The following NBEA variants were observed in gnomAD, a reference collection of about 807,000 sequenced individuals.
NBEA encodes the protein lysosomal-trafficking regulator 2.
NBEA carries 44 observed loss-of-function variants against 343.4 expected under a neutral mutation model. The observed-to-expected ratio is 0.13, with a 90% CI of 0.10 to 0.16. The LOEUF is 0.16. Among genes scored for constraint, NBEA ranks in the 10% least tolerant of loss-of-function variants. The pLI, the probability that NBEA is intolerant of heterozygous loss-of-function variation, is 1.00. For synonymous variants in NBEA, 1,175 were observed against 1,238.7 expected (o/e 0.95, Z 1.08); for missense variants, 2,555 against 3,631.3 (o/e 0.70, Z 7.62).
chr13:35,543,863 G>C (rs1387085845), intron 41 of NBEA, among the ~76,000 whole-genome samples: 4 of 152,192 alleles, frequency 2.6e-5, no homozygotes, highest in South Asian at 2.1e-4. Context: ...CCACACAGCA[G>C]GTATCAGTCA....
chr13:34,950,213 A>G (rs2059307445), intron 1 of NBEA, among the ~76,000 whole-genome samples: 1 of 152,198 alleles, frequency 6.6e-6, no homozygotes, highest in South Asian at 2.1e-4. Flanking sequence ...AGACAGCTTG[A>G]TAACTTCTTT....
chr13:35,320,813 A>G (rs1400838075), intron 36 of NBEA, among the ~76,000 whole-genome samples: 1 of 151,700 alleles, frequency 6.6e-6, no homozygotes, highest in African/African-American at 2.4e-5. Context: ...CTTTTTCTCT[A>G]ATCTTGTCTT....
chr13:35,561,849 C>A (rs1566324267), intron 44 of NBEA, among the ~76,000 whole-genome samples: 1 of 151,932 alleles, frequency 6.6e-6, no homozygotes, highest in Non-Finnish European at 1.5e-5. Flanking sequence ...GCCAAATATC[C>A]CGGAAACGTA....
At chr13:35,528,114 G>A (rs192175711) in intron 41 of NBEA, among the ~76,000 whole-genome samples, 2 of 152,154 alleles carry the variant, frequency 1.3e-5, no homozygotes, top group East Asian at 1.9e-4. Flanking sequence ...GTTCAATTTA[G>A]GCTTCCTACT....
intron 17 of NBEA, among the ~76,000 whole-genome samples, chr13:35,140,311 C>T (rs1299473594): frequency 6.6e-6 from 1 of 151,976 alleles, no homozygotes; most frequent in Non-Finnish European, 1.5e-5. Flanking sequence ...ACTGAGCTGG[C>T]CTTTAGATAG....
Position 35,195,997 on chromosome 13 carries a change from T to C in NBEA, c.5061T>C (p.Asn1687=). Reference sequence around the variant, plus strand: ...AGGAGCAAGTGGCTAGCATCCTGAATGGGGCAGAATTAGAAACAAGTACAG... The same window carrying C: ...AGGAGCAAGTGGCTAGCATCCTGAACGGGGCAGAATTAGAAACAAGTACAG... The part of the protein sequence containing the change: ...IGEEQVASIL[N]GAELETSTGP... The change falls in exon 31 of 59, where the codon AAT becomes AAC. Residue 1687 remains asparagine, a synonymous_variant. Transcript: ENST00000379939. 1 of 1,613,654 alleles carries C rather than the reference T, an allele frequency of 6.2e-7. No individual in the cohort carries two copies. The highest frequency in any genetic ancestry group is 8.5e-7 in the Non-Finnish European group (1 of 1,179,730).
At chr13:35,559,362 A>G (rs1487828537) in intron 44 of NBEA, among the ~76,000 whole-genome samples, 1 of 152,114 alleles carries the variant, frequency 6.6e-6, no homozygotes, top group Non-Finnish European at 1.5e-5. Flanking sequence ...AAATAATCAT[A>G]CTATTTTATA....
At chr13:35,127,079 AG>A (rs1402092191) in intron 17 of NBEA, among the ~76,000 whole-genome samples, 1 of 152,180 alleles carries the variant, frequency 6.6e-6, no homozygotes, top group East Asian at 1.9e-4. Flanking sequence ...ATTGTTTGCC[AG>A]GGAAAACTGA....
At chr13:34,970,391 CTTAT>C (rs1229415779) in intron 1 of NBEA, among the ~76,000 whole-genome samples, 1 of 151,894 alleles carries the variant, frequency 6.6e-6, no homozygotes, top group Non-Finnish European at 1.5e-5. Flanking sequence ...TGCAGAAGCT[CTTAT>C]TTGTCAATTT....
intron 38 of NBEA, among the ~76,000 whole-genome samples, chr13:35,387,107 G>T (rs2042278113): frequency 6.6e-6 from 1 of 152,026 alleles, no homozygotes; most frequent in Admixed American, 6.6e-5. Context: ...TTGACATTTG[G>T]ATAGATTTTT....
chr13:35,394,865 T>C (rs941488787), intron 38 of NBEA, among the ~76,000 whole-genome samples: 1 of 152,168 alleles, frequency 6.6e-6, no homozygotes, highest in African/African-American at 2.4e-5. Context: ...TTTAGATCTT[T>C]CTACTTTTTA....
At chr13:35,070,624 G>T in intron 9 of NBEA, 95 bp from the exon 10 acceptor site, 1 of 1,128,838 alleles carries the variant, frequency 8.9e-7, no homozygotes, top group Non-Finnish European at 1.2e-6. Flanking sequence ...GTCCAAGTAT[G>T]TTATTTAATT....
At chr13:35,426,337 G>T (rs558426281) in intron 38 of NBEA, among the ~76,000 whole-genome samples, 5 of 152,256 alleles carry the variant, frequency 3.3e-5, no homozygotes, top group African/African-American at 1.2e-4. Flanking sequence ...TTTTAGGGCA[G>T]GCCTGGTAGT....
At chr13:35,233,344 GAAGA>G (rs1453076421) in intron 34 of NBEA, among the ~76,000 whole-genome samples, 1 of 152,064 alleles carries the variant, frequency 6.6e-6, no homozygotes, top group Non-Finnish European at 1.5e-5. Flanking sequence ...GTTTACTGTA[GAAGA>G]AAGAGAGTTT....
intron 51 of NBEA, among the ~76,000 whole-genome samples, chr13:35,647,798 C>T (rs1427709524): frequency 6.6e-6 from 1 of 152,122 alleles, no homozygotes; most frequent in African/African-American, 2.4e-5. Flanking sequence ...AACTCCTGAC[C>T]TCGTGATCTG....
rs571578763 is a variant in NBEA, at chr13:35,202,804, A to C, written c.5367-5896A>C. 2.0e-3 allele frequency among the ~76,000 whole-genome samples: 298 copies of C among 152,270 alleles called. 2 individuals carry two copies. The highest frequency in any genetic ancestry group is 7.0e-3 in the African/African-American group (290 of 41,562). Reference sequence around the variant, plus strand: ...ATTTGGATGATTAAAAAGAGGTATAAAAAATTAGTATAAGAAAGCTGCTCC... The same window carrying C: ...ATTTGGATGATTAAAAAGAGGTATACAAAATTAGTATAAGAAAGCTGCTCC... On this transcript the variant is annotated intron_variant, in intron 31 of 58. Transcript: ENST00000379939.
chr13:35,057,559 C>T (rs190261252), intron 7 of NBEA, among the ~76,000 whole-genome samples: 234 of 152,102 alleles, frequency 1.5e-3, no homozygotes, highest in African/African-American at 5.4e-3. Flanking sequence ...TTTTCTCTGC[C>T]GTAGAAACTT....
At chr13:35,204,198 T>C (rs2073216994) in intron 31 of NBEA, among the ~76,000 whole-genome samples, 1 of 152,172 alleles carries the variant, frequency 6.6e-6, no homozygotes, top group Non-Finnish European at 1.5e-5. Context: ...TACTGTGAAC[T>C]GTGCATGTGA....
chr13:35,469,429 C>T (rs1420803868), intron 40 of NBEA, among the ~76,000 whole-genome samples: 1 of 151,798 alleles, frequency 6.6e-6, no homozygotes, highest in Non-Finnish European at 1.5e-5. Context: ...GAAGTAATAC[C>T]CCTATACTTC....
Sources: gnomAD v4.1 joint callset for allele counts (sites outside exome capture counted in the v4.1 genomes callset) on GRCh38, gnomAD v4.1.1 for gene constraint, MANE v1.5 for transcripts, NCBI Gene and HGNC (gene_info 2026-07-23, HGNC 2026-07-21) for gene names.